The following ITFG1 variants were observed in gnomAD, a reference collection of about 807,000 sequenced individuals.
The protein encoded by ITFG1 is T-cell immunomodulatory protein.
Under a neutral mutation model 81.8 loss-of-function variants are expected in ITFG1, and 34 were observed. The observed-to-expected ratio is 0.42, with a 90% confidence interval of 0.32 to 0.55. ITFG1 has a LOEUF of 0.55. ITFG1 is among the 20% of genes least tolerant of loss of function. The pLI, the probability that ITFG1 is intolerant of heterozygous loss-of-function variation, is 0.17. For synonymous variants in ITFG1, 285 were observed against 270.6 expected (o/e 1.05, Z -0.52); for missense variants, 672 against 755.4 (o/e 0.89, Z 1.29).
intron 12 of ITFG1, among the ~76,000 whole-genome samples, chr16:47,255,309 T>C (rs1238051101): frequency 6.6e-6 from 1 of 152,192 alleles, no homozygotes; most frequent in African/African-American, 2.4e-5. Flanking sequence ...CTGTCACTCA[T>C]CATGTGTTAC....
chr16:47,409,396 A>AT (rs1968775533), intron 6 of ITFG1, among the ~76,000 whole-genome samples: 6 of 15,120 alleles, frequency 4.0e-4, no homozygotes, highest in African/African-American at 1.6e-3. Flanking sequence ...ATATATATAT[A>AT]TATATATATT....
chr16:47,226,505 A>G (rs1346697966), intron 13 of ITFG1, among the ~76,000 whole-genome samples: 2 of 147,572 alleles, frequency 1.4e-5, no homozygotes, highest in Non-Finnish European at 3.0e-5. Flanking sequence ...TATATCACCT[A>G]ATGCTATCCC....
At chr16:47,325,996 A>T (rs1230745448) in intron 8 of ITFG1, among the ~76,000 whole-genome samples, 1 of 152,104 alleles carries the variant, frequency 6.6e-6, no homozygotes, top group African/African-American at 2.4e-5. Flanking sequence ...CATCCTGATA[A>T]CAATGCCTGG....
chr16:47,361,572 A>C (rs1968109775), intron 8 of ITFG1, among the ~76,000 whole-genome samples: 1 of 152,124 alleles, frequency 6.6e-6, no homozygotes, highest in African/African-American at 2.4e-5. Flanking sequence ...TTCCTTGATT[A>C]TTTCTTAGGT....
At chr16:47,426,797 A>G (rs1969026557) in intron 6 of ITFG1, among the ~76,000 whole-genome samples, 1 of 152,146 alleles carries the variant, frequency 6.6e-6, no homozygotes, top group South Asian at 2.1e-4. Context: ...AAATTATGCA[A>G]TATTATTTTC....
intron 14 of ITFG1, among the ~76,000 whole-genome samples, chr16:47,198,845 T>C (rs187253923): frequency 1.3e-5 from 2 of 152,308 alleles, no homozygotes; most frequent in Admixed American, 1.3e-4. Flanking sequence ...TTTGTACACC[T>C]GAACAATGTC....
intron 8 of ITFG1, among the ~76,000 whole-genome samples, chr16:47,332,814 A>G (rs1255529124): frequency 6.6e-6 from 1 of 152,232 alleles, no homozygotes; most frequent in Non-Finnish European, 1.5e-5. Flanking sequence ...TTTGTTAGGC[A>G]TAAGTCAGTG....
intron 13 of ITFG1, among the ~76,000 whole-genome samples, chr16:47,236,929 G>A (rs1451098633): frequency 6.6e-6 from 1 of 152,214 alleles, no homozygotes; most frequent in Non-Finnish European, 1.5e-5. Context: ...GCCAAAGAGA[G>A]CTGCCTCATA....
chr16:47,372,231 T>G (rs1367525494), intron 7 of ITFG1, among the ~76,000 whole-genome samples: 1 of 152,060 alleles, frequency 6.6e-6, no homozygotes, highest in Non-Finnish European at 1.5e-5. Flanking sequence ...CATGTCTCTG[T>G]TTTTTGCTTT....
intron 14 of ITFG1, among the ~76,000 whole-genome samples, chr16:47,169,692 T>G (rs1964935066): frequency 6.6e-6 from 1 of 152,220 alleles, no homozygotes; most frequent in Non-Finnish European, 1.5e-5. Flanking sequence ...CTGGCCGAAT[T>G]GCTAAGTGTA....
intron 8 of ITFG1, among the ~76,000 whole-genome samples, chr16:47,328,934 T>C (rs1967600367): frequency 1.3e-5 from 2 of 152,116 alleles, no homozygotes; most frequent in South Asian, 4.1e-4. Context: ...TGATACAAGG[T>C]AGGCAAAGGT....
chr16:47,221,183 C>CT (rs1271220627), intron 13 of ITFG1, among the ~76,000 whole-genome samples: 4 of 152,166 alleles, frequency 2.6e-5, no homozygotes, highest in East Asian at 1.9e-4. Flanking sequence ...CAGGGTTTGT[C>CT]TTTTTTTAAT....
chr16:47,184,966 AG>A (rs1484027442), intron 14 of ITFG1, among the ~76,000 whole-genome samples: 5 of 151,708 alleles, frequency 3.3e-5, no homozygotes, highest in African/African-American at 9.7e-5. Flanking sequence ...AAAAAAAGGC[AG>A]GGGTTGCAAT....
intron 14 of ITFG1, among the ~76,000 whole-genome samples, chr16:47,203,237 A>G (rs1164161114): frequency 6.6e-6 from 1 of 152,226 alleles, no homozygotes; most frequent in African/African-American, 2.4e-5. Flanking sequence ...GAAATAAACC[A>G]GTCACAAAAA....
At chr16:47,355,923 T>C (rs1453509899) in intron 8 of ITFG1, among the ~76,000 whole-genome samples, 2 of 152,182 alleles carry the variant, frequency 1.3e-5, no homozygotes, top group Non-Finnish European at 2.9e-5. Context: ...ATGGAGAAGA[T>C]TCACTATCAA....
At chr16:47,255,621 G>A (rs1366078889) in intron 12 of ITFG1, among the ~76,000 whole-genome samples, 1 of 152,206 alleles carries the variant, frequency 6.6e-6, no homozygotes, top group Non-Finnish European at 1.5e-5. Context: ...TGTTAATCAA[G>A]ATAGCCAATC....
At chr16:47,315,015 A>G (rs1967330607) in intron 8 of ITFG1, among the ~76,000 whole-genome samples, 1 of 152,206 alleles carries the variant, frequency 6.6e-6, no homozygotes, top group Non-Finnish European at 1.5e-5. Flanking sequence ...AACTGACTTC[A>G]GCATGGAAAA....
At chr16:47,324,529 G>A (rs971476529) in intron 8 of ITFG1, among the ~76,000 whole-genome samples, 1 of 152,144 alleles carries the variant, frequency 6.6e-6, no homozygotes, top group Admixed American at 6.5e-5. Flanking sequence ...CCAATTAAAA[G>A]GCACGGACTG....
intron 13 of ITFG1, among the ~76,000 whole-genome samples, chr16:47,230,365 C>T (rs946058379): frequency 6.6e-6 from 1 of 152,032 alleles, no homozygotes; most frequent in Non-Finnish European, 1.5e-5. Context: ...AGCTCAAAGG[C>T]TAGACGATAA....
Sources: allele counts gnomAD v4.1 joint callset (sites outside exome capture counted in the v4.1 genomes callset), GRCh38; gene constraint gnomAD v4.1.1; transcripts MANE v1.5; gene names NCBI Gene and HGNC (gene_info 2026-07-23, HGNC 2026-07-21).